DNASE1: variants seen among roughly 807,000 people sequenced by gnomAD.
DNASE1 encodes deoxyribonuclease-1.
DNASE1 carries 40 observed loss-of-function variants against 33.9 expected under a neutral mutation model. The ratio of observed to expected loss-of-function variants is 1.18; its 90% CI spans 0.92 to 1.54. DNASE1 has a LOEUF of 1.54. DNASE1 is among the 40% of genes most tolerant of loss of function. DNASE1 has a pLI of 0.00. For missense variants in DNASE1, 518 were observed against 372.6 expected (o/e 1.39, Z -3.21); for synonymous variants, 216 against 160.0 (o/e 1.35, Z -2.64).
At chr16:3,650,933 A>G (rs886917925), upstream of DNASE1, 14 of 152,244 alleles carry the variant, frequency 9.2e-5, no homozygotes, top group African/African-American at 3.1e-4. Flanking sequence ...GGTAACGTTA[A>G]TGTTGAGACC....
chr16:3,612,994 A>G (rs1453125101), intron 1 of DNASE1, among the ~76,000 whole-genome samples: 2 of 152,194 alleles, frequency 1.3e-5, no homozygotes, highest in Admixed American at 1.3e-4. Context: ...TTTTTAAAAG[A>G]TACAGTATCA....
chr16:3,614,337 G>A (rs772771213), intron 1 of DNASE1, among the ~76,000 whole-genome samples: 6 of 152,196 alleles, frequency 3.9e-5, no homozygotes, highest in Admixed American at 1.3e-4. Context: ...ACTGGTGTGA[G>A]CCACCGCGCC....
intron 7 of DNASE1, 51 bp from the exon 8 acceptor site, chr16:3,657,669 C>A: frequency 6.2e-7 from 1 of 1,609,230 alleles, no homozygotes; most frequent in Non-Finnish European, 8.5e-7. Flanking sequence ...GGTGCTGAGC[C>A]AGGCCCATGT....
chr16:3,655,481 C>G lies in DNASE1; in HGVS notation c.108C>G (p.Thr36=), dbSNP rs143327739. 65 of 1,614,010 alleles carry G rather than the reference C, an allele frequency of 4.0e-5. No homozygotes were observed. The highest frequency in any genetic ancestry group is 5.3e-5 in the African/African-American group (4 of 74,924). The change falls in exon 2 of 9, where the codon ACC becomes ACG. Residue 36 remains threonine, a synonymous_variant. Transcript: ENST00000246949. ...TCAACATCCAGACATTTGGGGAGAC[C>G]AAGATGTCCAATGCCACCCTCGTCA... ...AAFNIQTFGE[T]KMSNATLVSY... is the part of the protein sequence containing the mutation.
exon 10 of DNASE1, chr16:3,663,591 G>C (rs374332212): frequency 2.9e-5 from 47 of 1,611,896 alleles, no homozygotes; most frequent in Non-Finnish European, 3.7e-5. Flanking sequence ...AGCTCCATCA[G>C]ACCCCGGGGG....
intron 1 of DNASE1, among the ~76,000 whole-genome samples, chr16:3,636,009 T>C (rs1220939585): frequency 6.6e-6 from 1 of 152,242 alleles, no homozygotes; most frequent in African/African-American, 2.4e-5. Flanking sequence ...TTCATTATTG[T>C]TTCAGATACT....
downstream of DNASE1, chr16:3,658,286 T>C (rs925560201): frequency 2.9e-4 from 412 of 1,443,868 alleles, 3 homozygotes; most frequent in Non-Finnish European, 3.8e-4. Flanking sequence ...TTTTCATTTT[T>C]TTTTTTTTGA....
At chr16:3,628,909 C>T (rs549461805) in intron 1 of DNASE1, among the ~76,000 whole-genome samples, 3 of 146,614 alleles carry the variant, frequency 2.0e-5, no homozygotes, top group Admixed American at 6.8e-5. Flanking sequence ...CAGTGGCTCA[C>T]GCCGGTAATC....
intron 1 of DNASE1, among the ~76,000 whole-genome samples, chr16:3,617,857 C>G (rs1026366593): frequency 4.6e-5 from 7 of 152,186 alleles, no homozygotes; most frequent in African/African-American, 1.7e-4. Context: ...AGGAAGTGGG[C>G]CTTCACCAGA....
At chr16:3,623,979 C>T (rs567790191) in intron 1 of DNASE1, among the ~76,000 whole-genome samples, 3 of 152,024 alleles carry the variant, frequency 2.0e-5, no homozygotes, top group Admixed American at 1.3e-4. Context: ...TTACTATAAC[C>T]TCTATATAGA....
In DNASE1 at chr16:3,655,644, C is replaced by G. The variant is rs116744902; in HGVS notation, c.147+124C>G. 9.8e-4 allele frequency: 1,466 copies of G among 1,489,050 alleles called. 15 individuals are homozygous for G. The African/African-American group carries it at 0.018, about 18-fold the overall frequency. The allele number at this position is 1,489,050 out of a possible 1,614,324, so 92.2% of individuals were successfully genotyped here. A position where few individuals can be genotyped will look rare whatever the true frequency, so the allele number is the denominator to read the frequency against. On this transcript the variant is annotated intron_variant, in intron 2 of 8. Transcript: ENST00000246949. ...GGGTACTGAGCACCACTGCTCCCAG[C>G]ACGGTGGAACAGGCTCTTGGCTGTG...
chr16:3,638,323 C>T (rs888887324), upstream of DNASE1, among the ~76,000 whole-genome samples: 8 of 151,984 alleles, frequency 5.3e-5, no homozygotes, highest in African/African-American at 1.7e-4. Flanking sequence ...CAGTCTTCTT[C>T]AGGTTTATTT....
At chr16:3,658,282 T>A (rs1394775200), downstream of DNASE1, 2 of 207,330 alleles carry the variant, frequency 9.6e-6, no homozygotes, top group Non-Finnish European at 1.4e-5. Context: ...CACCTTTTCA[T>A]TTTTTTTTTT....
At position 3,624,486 on chromosome 16, in the gene DNASE1, G is replaced by A. The variant is rs561448824; in HGVS notation, c.-1359+12480G>A. Among the ~76,000 whole-genome samples, 12 of 152,218 alleles carry A rather than the reference G, an allele frequency of 7.9e-5. No homozygotes were observed. The East Asian group carries it at 9.6e-4, about 12-fold the overall frequency. The stretch of plus-strand genomic sequence containing the variant: ...TCTAAACCTTCAGAATGCCCTTGCC[G>A]CCCCTGGCTGAGTTCACAGTGGCTG... On this transcript the variant is annotated intron_variant and NMD_transcript_variant, in intron 1 of 11. Coordinates refer to the DNASE1 transcript ENST00000570769.
At chr16:3,612,544 C>G (rs2040926464) in intron 1 of DNASE1, among the ~76,000 whole-genome samples, 2 of 137,898 alleles carry the variant, frequency 1.5e-5, no homozygotes, top group South Asian at 2.3e-4. Flanking sequence ...AGCCACCGCT[C>G]ACGGCTTTTT....
rs755793031 is a variant in DNASE1, at chr16:3,657,290, T to A, written c.653T>A (p.Ile218Asn). Residue 218 changes from isoleucine to asparagine, a missense_variant, in exon 7 of 9, where the codon ATC (isoleucine) becomes AAC (asparagine). Transcript: ENST00000246949. ...ACAAGCCCCACCTTCCAGTGGCTGA[T>A]CCCCGACAGCGCTGACACCACAGCT... Reference protein sequence around the residue: ...LWTSPTFQWLIPDSADTTATP... With the variant: ...LWTSPTFQWLNPDSADTTATP... 8 of 1,613,882 alleles carry A rather than the reference T, an allele frequency of 5.0e-6. No homozygotes were observed. In the East Asian group the frequency reaches 1.8e-4, roughly 36 times the overall value.
downstream of DNASE1, chr16:3,662,659 C>T (rs1308096432): frequency 1.5e-6 from 1 of 687,388 alleles, no homozygotes. Context: ...TCAGTTCACA[C>T]CTGCTCTGGA....
chr16:3,665,354 C>A (rs932581242), exon 10 of DNASE1: 1 of 152,542 alleles, frequency 6.6e-6, no homozygotes, highest in Non-Finnish European at 1.5e-5. Flanking sequence ...GAGGCAGCCA[C>A]ACCACACTGT....
chr16:3,663,584 T>TC (rs2050743844), exon 10 of DNASE1: 1 of 1,612,664 alleles, frequency 6.2e-7, no homozygotes, highest in African/African-American at 1.3e-5. Context: ...CAAGAGCAGC[T>TC]CCATCAGACC....
Sources: allele counts gnomAD v4.1 joint callset (sites outside exome capture counted in the v4.1 genomes callset), GRCh38; gene constraint gnomAD v4.1.1; transcripts MANE v1.5; gene names NCBI Gene and HGNC (gene_info 2026-07-23, HGNC 2026-07-21).